The following ARHGAP44 variants were observed in gnomAD, a reference collection of about 807,000 sequenced individuals.
ARHGAP44 encodes the protein rho GTPase-activating protein 44.
Under a neutral mutation model 106.8 loss-of-function variants are expected in ARHGAP44, and 43 were observed. That is an observed-to-expected ratio of 0.40 (90% CI 0.32 to 0.52). The LOEUF (loss-of-function observed/expected upper bound fraction) is 0.52, where lower values mean the gene tolerates loss of function less well. Ranked by LOEUF, ARHGAP44 falls within the 20% of genes least tolerant of loss-of-function variation. The pLI, the probability that ARHGAP44 is intolerant of heterozygous loss-of-function variation, is 0.48. For synonymous variants in ARHGAP44, 439 were observed against 410.3 expected (o/e 1.07, Z -0.85); for missense variants, 866 against 1,050.5 (o/e 0.82, Z 2.43).
intron 3 of ARHGAP44, among the ~76,000 whole-genome samples, chr17:12,901,018 G>A (rs185776651): frequency 1.1e-3 from 161 of 150,302 alleles, no homozygotes; most frequent in African/African-American, 3.8e-3. Flanking sequence ...CTGCCTCCCG[G>A]GTTCAAGCAA....
intron 19 of ARHGAP44, among the ~76,000 whole-genome samples, chr17:12,981,231 A>C (rs1028159236): frequency 6.6e-6 from 1 of 152,124 alleles, no homozygotes; most frequent in African/African-American, 2.4e-5. Context: ...GACACCTGGG[A>C]GCATGCTTTC....
intron 13 of ARHGAP44, among the ~76,000 whole-genome samples, chr17:12,954,037 G>A (rs1314497851): frequency 1.3e-5 from 2 of 150,448 alleles, no homozygotes; most frequent in African/African-American, 4.9e-5. Flanking sequence ...ATGTGCATGC[G>A]CCACCATGCC....
chr17:12,869,202 A>G (rs548956668), intron 1 of ARHGAP44, among the ~76,000 whole-genome samples: 1 of 152,302 alleles, frequency 6.6e-6, no homozygotes, highest in South Asian at 2.1e-4. Context: ...TTTAAAAATA[A>G]TGTCTAGATA....
intron 16 of ARHGAP44, among the ~76,000 whole-genome samples, chr17:12,971,619 T>C (rs2039529403): frequency 6.6e-6 from 1 of 152,186 alleles, no homozygotes; most frequent in Non-Finnish European, 1.5e-5. Context: ...CCAGGGGATG[T>C]AACCAGACTG....
intron 7 of ARHGAP44, among the ~76,000 whole-genome samples, chr17:12,933,573 T>A (rs2038460691): frequency 6.6e-6 from 1 of 152,184 alleles, no homozygotes; most frequent in African/African-American, 2.4e-5. Flanking sequence ...TTCCCAAGGC[T>A]TTCTATAAAA....
chr17:12,829,950 A>G (rs1432716599), intron 1 of ARHGAP44, among the ~76,000 whole-genome samples: 2 of 152,180 alleles, frequency 1.3e-5, no homozygotes, highest in Non-Finnish European at 2.9e-5. Flanking sequence ...GTATCTTGGT[A>G]CCTACAAGAG....
intron 1 of ARHGAP44, among the ~76,000 whole-genome samples, chr17:12,820,975 G>A (rs1057040868): frequency 1.3e-5 from 2 of 152,124 alleles, no homozygotes; most frequent in Admixed American, 1.3e-4. Context: ...AGTTATAAAG[G>A]TTTTAACTGT....
chr17:12,896,512 G>A lies in ARHGAP44; in HGVS notation c.198+1G>A. 6.3e-7 allele frequency: 1 copy of A among 1,594,336 alleles called. No individual in the cohort carries two copies. The highest frequency in any genetic ancestry group is 8.5e-7 in the Non-Finnish European group (1 of 1,171,150). On this transcript the variant is annotated splice_donor_variant, in intron 3 of 20. Coordinates refer to ENST00000379672, the MANE Select transcript of ARHGAP44 (RefSeq NM_014859.6). LOFTEE classifies it high-confidence loss of function. The stretch of plus-strand genomic sequence containing the variant: ...AGGGGCAGAGGCTGACAAGCGCTCC[G>A]TAAGTGCCCTCCCAGCCCTGGGGAG...
At chr17:12,974,621 A>G (rs2039627826) in intron 18 of ARHGAP44, among the ~76,000 whole-genome samples, 1 of 152,098 alleles carries the variant, frequency 6.6e-6, no homozygotes, top group South Asian at 2.1e-4. Flanking sequence ...TTGTCGTTAC[A>G]GTGGCCCCCC....
chr17:12,919,583 G>A (rs538512653), intron 5 of ARHGAP44, among the ~76,000 whole-genome samples, 172 bp from the exon 6 acceptor site: 44 of 152,080 alleles, frequency 2.9e-4, no homozygotes, highest in African/African-American at 1.0e-3. Context: ...TCGGAGTTTC[G>A]CCATATTGGC....
At chr17:12,970,365 C>CAAAAAAAAAAAAAAA (rs66577680) in intron 16 of ARHGAP44, among the ~76,000 whole-genome samples, 1 of 55,188 alleles carries the variant, frequency 1.8e-5, no homozygotes, top group East Asian at 5.1e-4. Context: ...GACCCTGTCT[C>CAAAAAAAAAAAAAAA]AAAAAAAAAA....
intron 1 of ARHGAP44, among the ~76,000 whole-genome samples, chr17:12,814,245 T>G (rs1352797244): frequency 6.9e-6 from 1 of 145,024 alleles, no homozygotes; most frequent in Non-Finnish European, 1.5e-5. Context: ...GTTTTTTTTT[T>G]TTTTTTTTTT....
chr17:12,926,385 T>A (rs2150962806), intron 6 of ARHGAP44, among the ~76,000 whole-genome samples: 1 of 145,656 alleles, frequency 6.9e-6, no homozygotes, highest in African/African-American at 2.5e-5. Context: ...TATATATGTA[T>A]TATATATAAT....
intron 3 of ARHGAP44, among the ~76,000 whole-genome samples, chr17:12,900,421 C>G (rs2037341669): frequency 6.6e-6 from 1 of 151,958 alleles, no homozygotes; most frequent in African/African-American, 2.4e-5. Flanking sequence ...GCCACCACAC[C>G]CGGCCTCCAT....
chr17:12,864,150 G>A (rs1415405549), intron 1 of ARHGAP44, among the ~76,000 whole-genome samples: 1 of 152,176 alleles, frequency 6.6e-6, no homozygotes, highest in Non-Finnish European at 1.5e-5. Context: ...ACCTCTCGGT[G>A]GAGTGGTAGC....
intron 1 of ARHGAP44, among the ~76,000 whole-genome samples, chr17:12,840,503 A>G (rs1046575284): frequency 5.3e-5 from 8 of 152,164 alleles, no homozygotes; most frequent in East Asian, 1.9e-4. Context: ...TTGTCCCCCA[A>G]TTCCTTGGGA....
At chr17:12,855,149 A>T (rs1459982880) in intron 1 of ARHGAP44, among the ~76,000 whole-genome samples, 1 of 151,964 alleles carries the variant, frequency 6.6e-6, no homozygotes, top group African/African-American at 2.4e-5. Context: ...TTCATATTTC[A>T]CCTCGAGCTT....
intron 8 of ARHGAP44, among the ~76,000 whole-genome samples, chr17:12,942,356 AG>A (rs1358794175): frequency 6.6e-6 from 1 of 152,200 alleles, no homozygotes; most frequent in Non-Finnish European, 1.5e-5. Flanking sequence ...TATGTTGGCC[AG>A]GCTGGTCTGG....
rs1039782862 is a variant in ARHGAP44 at position 12,980,158 on chromosome 17, C to T, written c.1864C>T (p.Pro622Ser). Residue 622 changes from proline (P) to serine (S), a missense_variant, in exon 19 of 21, where the codon CCT (proline) becomes TCT (serine). Around this residue, in one of 2 missense-constraint regions of ARHGAP44, gnomAD observed 418 missense variants for 403.6 expected, o/e 1.04. Coordinates refer to ENST00000379672, the MANE Select transcript of ARHGAP44 (RefSeq NM_014859.6). ...TGCAGGGACTCAACCAGGGGCTCAACCTGGAGCTCAGCCGGGCGCCAGCCC... is the reference window on the plus strand; with the variant it reads ...TGCAGGGACTCAACCAGGGGCTCAATCTGGAGCTCAGCCGGGCGCCAGCCC... ...ACAGTQPGAQ[P>S]GAQPGASPSP... is the part of the protein sequence containing the mutation. The T allele has an allele frequency of 2.5e-5, 40 of 1,613,754 alleles. No individual in the cohort carries two copies. Among genetic ancestry groups the T allele is most frequent in the Non-Finnish European group, 3.3e-5 (39 of 1,179,880 alleles).
Sources: allele counts gnomAD v4.1 joint callset (sites outside exome capture counted in the v4.1 genomes callset), GRCh38; gene constraint gnomAD v4.1.1; regional missense constraint gnomAD v4.1.1; transcripts MANE v1.5; gene names NCBI Gene and HGNC (gene_info 2026-07-23, HGNC 2026-07-21).